The following KCNQ5 variants were observed in gnomAD, a reference collection of about 807,000 sequenced individuals.
KCNQ5 encodes the protein potassium voltage-gated channel subfamily KQT member 5.
In KCNQ5, 30 loss-of-function variants were observed where a neutral mutation model predicts 98.2. The observed-to-expected ratio is 0.31, with a 90% CI of 0.23 to 0.41. The LOEUF (loss-of-function observed/expected upper bound fraction) is 0.41, where lower values mean the gene tolerates loss of function less well. Among genes scored for constraint, KCNQ5 ranks in the 10% least tolerant of loss-of-function variants. KCNQ5 has a pLI of 1.00. For synonymous variants in KCNQ5, 458 were observed against 449.4 expected, an observed-to-expected ratio of 1.02 and a Z score of -0.24; for missense variants, 835 against 1,182.5, an observed-to-expected ratio of 0.71 and a Z score of 4.31.
intron 3 of KCNQ5, among the ~76,000 whole-genome samples, chr6:73,072,694 A>G (rs1182808840): frequency 6.6e-6 from 1 of 152,184 alleles, no homozygotes; most frequent in Non-Finnish European, 1.5e-5. Flanking sequence ...CTTTGCAGTC[A>G]CCTCAAATTT....
At chr6:72,910,912 T>C (rs1284909512) in intron 1 of KCNQ5, among the ~76,000 whole-genome samples, 1 of 152,102 alleles carries the variant, frequency 6.6e-6, no homozygotes, top group Non-Finnish European at 1.5e-5. Flanking sequence ...AAGATACATG[T>C]TGTTTTAGAC....
chr6:72,919,054 C>T (rs955796496), intron 1 of KCNQ5, among the ~76,000 whole-genome samples: 1 of 152,164 alleles, frequency 6.6e-6, no homozygotes, highest in Non-Finnish European at 1.5e-5. Flanking sequence ...TCAGTTAGCA[C>T]ATGACTTTGT....
At chr6:72,941,525 T>C (rs1391973424) in intron 1 of KCNQ5, among the ~76,000 whole-genome samples, 1 of 134,532 alleles carries the variant, frequency 7.4e-6, no homozygotes, top group East Asian at 2.5e-4. Flanking sequence ...CCTTCCTTCC[T>C]TCCTCCTTCC....
chr6:72,929,080 T>C (rs887297938), intron 1 of KCNQ5, among the ~76,000 whole-genome samples: 7 of 152,176 alleles, frequency 4.6e-5, no homozygotes, highest in African/African-American at 1.7e-4. Flanking sequence ...TTTAAAATCC[T>C]AACCTCATAA....
At chr6:72,687,075 T>C (rs1046118225) in intron 1 of KCNQ5, among the ~76,000 whole-genome samples, 1 of 152,224 alleles carries the variant, frequency 6.6e-6, no homozygotes, top group African/African-American at 2.4e-5. Flanking sequence ...GTAACTCTTG[T>C]ATTTAATTTA....
chr6:72,630,813 C>T (rs547585721), intron 1 of KCNQ5, among the ~76,000 whole-genome samples: 1 of 152,126 alleles, frequency 6.6e-6, no homozygotes, highest in East Asian at 1.9e-4. Flanking sequence ...AGGATTTTAT[C>T]CTATATGTGA....
intron 1 of KCNQ5, among the ~76,000 whole-genome samples, chr6:72,973,235 A>G (rs1767987506): frequency 1.3e-5 from 2 of 152,196 alleles, no homozygotes; most frequent in South Asian, 4.1e-4. Flanking sequence ...ATGTTTTACC[A>G]TTAGTAAAAA....
intron 1 of KCNQ5, among the ~76,000 whole-genome samples, chr6:72,797,172 C>G (rs1774381953): frequency 6.6e-6 from 1 of 152,060 alleles, no homozygotes; most frequent in Non-Finnish European, 1.5e-5. Context: ...AACAGCATAT[C>G]AAATAAAAAC....
At chr6:73,091,858 T>A (rs1774266691) in intron 5 of KCNQ5, among the ~76,000 whole-genome samples, 1 of 152,284 alleles carries the variant, frequency 6.6e-6, no homozygotes, top group South Asian at 2.1e-4. Flanking sequence ...TTTTTCTAAT[T>A]CTGTGAAGAA....
intron 10 of KCNQ5, chr6:73,134,873 C>T (rs1359235974): frequency 1.3e-5 from 2 of 152,326 alleles, no homozygotes; most frequent in African/African-American, 2.4e-5. Flanking sequence ...ATCTGAGTCA[C>T]TTGTGGCACA....
At chr6:72,781,191 A>G (rs1324209586) in intron 1 of KCNQ5, among the ~76,000 whole-genome samples, 6 of 152,184 alleles carry the variant, frequency 3.9e-5, no homozygotes, top group African/African-American at 9.7e-5. Context: ...AGAAAGGAAC[A>G]TGAAGGCCAA....
At chr6:73,166,128 G>A (rs1777785013) in intron 10 of KCNQ5, among the ~76,000 whole-genome samples, 1 of 151,610 alleles carries the variant, frequency 6.6e-6, no homozygotes, top group Non-Finnish European at 1.5e-5. Flanking sequence ...TATAAAACAA[G>A]AGGTAATGGT....
chr6:73,074,499 T>C (rs1292284995), intron 3 of KCNQ5, among the ~76,000 whole-genome samples: 1 of 152,220 alleles, frequency 6.6e-6, no homozygotes, highest in Non-Finnish European at 1.5e-5. Context: ...AACATTTAGA[T>C]TGTGATTCAC....
chr6:73,102,639 G>T (rs1774834243), intron 5 of KCNQ5, among the ~76,000 whole-genome samples: 1 of 152,094 alleles, frequency 6.6e-6, no homozygotes, highest in Non-Finnish European at 1.5e-5. Context: ...CATATGAAAA[G>T]GTGCTCAATA....
intron 1 of KCNQ5, among the ~76,000 whole-genome samples, chr6:72,661,498 G>T (rs1766522641): frequency 6.6e-6 from 1 of 152,010 alleles, no homozygotes. Flanking sequence ...TAACATAATT[G>T]AGAATACATA....
At chr6:72,971,476 C>T (rs1331548202) in intron 1 of KCNQ5, among the ~76,000 whole-genome samples, 1 of 152,150 alleles carries the variant, frequency 6.6e-6, no homozygotes, top group African/African-American at 2.4e-5. Context: ...TACCATTTGA[C>T]CCAGCCATCC....
chr6:72,797,390 A>G (rs1296199266), intron 1 of KCNQ5, among the ~76,000 whole-genome samples: 2 of 151,730 alleles, frequency 1.3e-5, no homozygotes, highest in Non-Finnish European at 2.9e-5. Flanking sequence ...CTGTCATCCC[A>G]GCTATTCAGG....
At chr6:73,017,850 G>C (rs1307372779) in intron 2 of KCNQ5, among the ~76,000 whole-genome samples, 1 of 152,090 alleles carries the variant, frequency 6.6e-6, no homozygotes, top group Non-Finnish European at 1.5e-5. Context: ...CTGCAGAAGA[G>C]TCTTAACAAA....
intron 10 of KCNQ5, among the ~76,000 whole-genome samples, chr6:73,134,583 T>A (rs1245935055): frequency 6.6e-6 from 1 of 152,238 alleles, no homozygotes; most frequent in Non-Finnish European, 1.5e-5. Context: ...CACGGGTCCC[T>A]CTCAGCTTAC....
Sources: allele counts gnomAD v4.1 joint callset (sites outside exome capture counted in the v4.1 genomes callset), GRCh38; gene constraint gnomAD v4.1.1; transcripts MANE v1.5; gene names NCBI Gene and HGNC (gene_info 2026-07-23, HGNC 2026-07-21).